The following CDKL5 variants were observed in gnomAD, a reference collection of about 807,000 sequenced individuals.
CDKL5 encodes cyclin dependent kinase like 5, also known as cyclin-dependent kinase-like 5.
A neutral mutation model predicts 61.7 loss-of-function variants in CDKL5; 8 were observed. The ratio of observed to expected loss-of-function variants is 0.13; its 90% CI spans 0.08 to 0.23. The LOEUF (loss-of-function observed/expected upper bound fraction) is 0.23, where lower values mean the gene tolerates loss of function less well. Ranked by LOEUF, CDKL5 falls within the 10% of genes least tolerant of loss-of-function variation. The probability of loss-of-function intolerance (pLI) is 1.00; values close to 1 mark genes in which losing one functional copy is unlikely to be tolerated. For synonymous variants in CDKL5, 275 were observed against 272.3 expected, an observed-to-expected ratio of 1.01 and a Z score of -0.10; for missense variants, 440 against 734.5, an observed-to-expected ratio of 0.60 and a Z score of 4.63.
intron 9 of CDKL5, among the ~76,000 whole-genome samples, chrX:18,590,775 A>C (rs989242697): frequency 8.9e-6 from 1 of 112,140 alleles, no homozygotes; most frequent in African/African-American, 3.2e-5. Context: ...TGGAAATATG[A>C]CAATAAATAG....
chrX:18,532,563 A>T (rs1199814912), intron 3 of CDKL5, among the ~76,000 whole-genome samples: 1 of 111,903 alleles, frequency 8.9e-6, no homozygotes, highest in African/African-American at 3.2e-5. Flanking sequence ...TTATGCTGCC[A>T]ATGGTTTATT....
At chrX:18,553,863 CTT>C (rs1033132025) in intron 3 of CDKL5, among the ~76,000 whole-genome samples, 5 of 111,114 alleles carry the variant, frequency 4.5e-5, no homozygotes, top group African/African-American at 1.6e-4. Flanking sequence ...AGACTATCCT[CTT>C]TTTAGAAACG....
At chrX:18,583,654 A>G (rs1218848078) in intron 7 of CDKL5, among the ~76,000 whole-genome samples, 2 of 111,557 alleles carry the variant, frequency 1.8e-5, no homozygotes, top group Admixed American at 9.5e-5. Flanking sequence ...GTGGCTATGC[A>G]GTAGCCCTAA....
chrX:18,526,550 T>C (rs1251329231), intron 3 of CDKL5, among the ~76,000 whole-genome samples: 5 of 111,865 alleles, frequency 4.5e-5, no homozygotes, highest in Non-Finnish European at 7.5e-5. Flanking sequence ...GTGCAGTTTC[T>C]TACTGTTAAG....
chrX:18,554,769 T>C (rs933573548), intron 3 of CDKL5, among the ~76,000 whole-genome samples: 6 of 111,872 alleles, frequency 5.4e-5, no homozygotes, highest in Non-Finnish European at 1.1e-4. Flanking sequence ...ATTATAAAAC[T>C]AATCATTGTT....
rs745863506 is a variant in CDKL5, at chrX:18,540,156, G to GGTTGTTGTT, written c.100-24299_100-24291dup. Reference sequence around the variant, plus strand: ...TTCTTTGGTTATCTTTTACTTTCTTGGTTGTTGTTGTTGTTGTTGTTGTTG... The same window carrying GGTTGTTGTT: ...TTCTTTGGTTATCTTTTACTTTCTTGGTTGTTGTTGTTGTTGTTGTTGTTGTTGTTGTTG... On this transcript the variant is annotated intron_variant, in intron 3 of 17. Coordinates refer to ENST00000623535, the MANE Select transcript of CDKL5 (RefSeq NM_001323289.2). 3.3e-3 allele frequency among the ~76,000 whole-genome samples: 362 copies of GGTTGTTGTT among 109,117 alleles called. 2 individuals carry two copies. The Middle Eastern group carries it at 0.038, about 12-fold the overall frequency. 94.8% of individuals were successfully genotyped at this position (109,117 alleles called of 115,157 possible).
rs1925694399 is a variant in CDKL5, at chrX:18,587,945, A to G, written c.555-9A>G. 1 of 1,206,066 alleles carries G rather than the reference A, an allele frequency of 8.3e-7. No homozygotes were observed. The highest frequency in any genetic ancestry group is 1.1e-6 in the Non-Finnish European group (1 of 890,732). The stretch of plus-strand genomic sequence containing the variant: ...AGTTGCCAAAATAATCTCTTCCTTT[A>G]TTTTTCAGCGCTCCCTATGGAAAGT... On this transcript the variant is annotated splice_polypyrimidine_tract_variant and intron_variant, in intron 8 of 17. Coordinates refer to ENST00000623535, the MANE Select transcript of CDKL5 (RefSeq NM_001323289.2).
chrX:18,541,109 T>G lies in CDKL5; in HGVS notation c.100-23368T>G, dbSNP rs549860853. Among the ~76,000 whole-genome samples the G allele has an allele frequency of 3.5e-3, 389 of 112,530 alleles. 2 individuals carry two copies. The Middle Eastern group carries it at 0.046, about 13-fold the overall frequency. ...TATAGGTAAGGTGCTGTTTTTTTGTTTTTTAGTTTTCAAAAGTTTCACTAT... is the reference window on the plus strand; with the variant it reads ...TATAGGTAAGGTGCTGTTTTTTTGTGTTTTAGTTTTCAAAAGTTTCACTAT... On this transcript the variant is annotated intron_variant, in intron 3 of 17. Transcript: ENST00000623535.
chrX:18,468,135 A>C (rs1920979625), intron 1 of CDKL5, among the ~76,000 whole-genome samples: 1 of 111,783 alleles, frequency 8.9e-6, no homozygotes, highest in South Asian at 3.7e-4. Flanking sequence ...ATTATATTTC[A>C]ATTCAGTATG....
chrX:18,556,137 T>C (rs1924594456), intron 3 of CDKL5, among the ~76,000 whole-genome samples: 1 of 112,086 alleles, frequency 8.9e-6, no homozygotes, highest in Non-Finnish European at 1.9e-5. Context: ...ATTTTACTTA[T>C]AATGTAAAAA....
At chrX:18,482,703 CAGA>C (rs1196553174) in intron 1 of CDKL5, among the ~76,000 whole-genome samples, 5 of 105,638 alleles carry the variant, frequency 4.7e-5, no homozygotes, top group Non-Finnish European at 9.7e-5. Flanking sequence ...CTTGGCACAA[CAGA>C]AGATGTTCTA....
At chrX:18,607,052 A>T (rs1036165020) in intron 12 of CDKL5, among the ~76,000 whole-genome samples, 3 of 111,825 alleles carry the variant, frequency 2.7e-5, no homozygotes, top group African/African-American at 9.8e-5. Context: ...AGCTCAGAGA[A>T]GTTGGGTGAG....
At chrX:18,428,184 C>T (rs944198601) in intron 1 of CDKL5, among the ~76,000 whole-genome samples, 1 of 111,954 alleles carries the variant, frequency 8.9e-6, no homozygotes, top group Non-Finnish European at 1.9e-5. Context: ...AAGTATCACC[C>T]CTAGCCTTGT....
At chrX:18,434,025 ATGCAAGG>A (rs1187721079) in intron 1 of CDKL5, among the ~76,000 whole-genome samples, 1 of 111,825 alleles carries the variant, frequency 8.9e-6, no homozygotes, top group Non-Finnish European at 1.9e-5. Flanking sequence ...ACAGCTTAAC[ATGCAAGG>A]TACTGTAACT....
intron 21 of CDKL5, among the ~76,000 whole-genome samples, chrX:18,652,459 A>G (rs1409613994): frequency 1.8e-5 from 2 of 112,146 alleles, no homozygotes; most frequent in Non-Finnish European, 3.8e-5. Context: ...ACTTGAGGTC[A>G]GGAGTTCGAG....
chrX:18,493,117 T>C (rs191173736), intron 1 of CDKL5, among the ~76,000 whole-genome samples: 19 of 111,677 alleles, frequency 1.7e-4, no homozygotes, highest in Non-Finnish European at 2.8e-4. Flanking sequence ...TCCATGAGTT[T>C]ATGTTGAATT....
At chrX:18,649,821 C>T (rs1927951690) in intron 20 of CDKL5, among the ~76,000 whole-genome samples, 1 of 112,139 alleles carries the variant, frequency 8.9e-6, no homozygotes, top group African/African-American at 3.2e-5. Flanking sequence ...CGCGACACCC[C>T]TCCAGCTGGG....
Position 18,628,571 on chromosome X carries a change from A to C in CDKL5, c.2697A>C (p.Pro899=). The change falls in exon 18 of 18, where the codon CCA becomes CCC. Residue 899 remains proline, a synonymous_variant. Coordinates refer to ENST00000623535, the MANE Select transcript of CDKL5 (RefSeq NM_001323289.2). The part of the protein sequence containing the change: ...IRQEPAPKGR[P]ALQLPGQMDP... Reference sequence around the variant, plus strand: ...AGGAACCCGCACCGAAGGGCAGGCCAGCCCTCCAGCTGCCAGGTCAGATGG... The same window carrying C: ...AGGAACCCGCACCGAAGGGCAGGCCCGCCCTCCAGCTGCCAGGTCAGATGG... 1 of 1,211,776 alleles carries C rather than the reference A, an allele frequency of 8.3e-7. No individual in the cohort carries two copies. Among genetic ancestry groups the C allele is most frequent in the Non-Finnish European group, 1.1e-6 (1 of 895,319 alleles).
intron 3 of CDKL5, among the ~76,000 whole-genome samples, chrX:18,523,798 A>G (rs940553664): frequency 8.9e-6 from 1 of 112,100 alleles, no homozygotes; most frequent in Non-Finnish European, 1.9e-5. Flanking sequence ...TAATGCTGCT[A>G]TGAACATTCA....
Sources: allele counts gnomAD v4.1 joint callset (sites outside exome capture counted in the v4.1 genomes callset), GRCh38; gene constraint gnomAD v4.1.1; transcripts MANE v1.5; gene names NCBI Gene and HGNC (gene_info 2026-07-23, HGNC 2026-07-21).